TERB2: variants seen among roughly 807,000 people sequenced by gnomAD.
The protein encoded by TERB2 is telomere repeat binding bouquet formation protein 2, also known as telomere repeats-binding bouquet formation protein 2.
TERB2 carries 26 observed loss-of-function variants against 29.8 expected under a neutral mutation model. That is an observed-to-expected ratio of 0.87 (90% CI 0.64 to 1.21). TERB2 has a LOEUF of 1.21. Ranked by LOEUF, TERB2 falls within the 50% of genes most tolerant of loss-of-function variation. The probability of loss-of-function intolerance (pLI) is 0.00; values close to 1 mark genes in which losing one functional copy is unlikely to be tolerated. For missense variants in TERB2, 240 were observed against 268.6 expected (o/e 0.89, Z 0.74); for synonymous variants, 80 against 90.8 (o/e 0.88, Z 0.68).
intron 2 of TERB2, among the ~76,000 whole-genome samples, 186 bp from the exon 3 acceptor site, chr15:44,958,187 G>C (rs1267653155): frequency 6.6e-6 from 1 of 152,178 alleles, no homozygotes; most frequent in Non-Finnish European, 1.5e-5. Context: ...AGATGTGCCA[G>C]ATATAGGCCC....
chr15:44,971,832 C>CG (rs966328454), intron 5 of TERB2, among the ~76,000 whole-genome samples: 1 of 151,732 alleles, frequency 6.6e-6, no homozygotes, highest in Non-Finnish European at 1.5e-5. Context: ...CATCCCCCCC[C>CG]CTCCTTTTTT....
At chr15:44,973,846 T>C (rs759148403) in intron 5 of TERB2, 21 bp from the exon 6 acceptor site, 4 of 1,551,706 alleles carry the variant, frequency 2.6e-6, no homozygotes, top group East Asian at 2.4e-5. Context: ...TGTGTGACTT[T>C]CTGTATGCTT....
At position 44,972,977 on chromosome 15, in the gene TERB2, G is replaced by C. The variant is rs1190407829; in HGVS notation, c.435-890G>C. ...GGCTCACTGCAACCTCTGCCTCCTGGGTTCAAGCAATTCTCCTGCCTCAAC... is the reference window on the plus strand; with the variant it reads ...GGCTCACTGCAACCTCTGCCTCCTGCGTTCAAGCAATTCTCCTGCCTCAAC... On this transcript the variant is annotated intron_variant, in intron 5 of 6. Transcript: ENST00000340827. Among the ~76,000 whole-genome samples, 9 of 150,932 alleles carry C rather than the reference G, an allele frequency of 6.0e-5. No individual in the cohort carries two copies. The East Asian group carries it at 1.6e-3, about 26-fold the overall frequency.
intron 4 of TERB2, among the ~76,000 whole-genome samples, chr15:44,965,695 A>C (rs1891878981): frequency 6.7e-6 from 1 of 149,726 alleles, no homozygotes; most frequent in Non-Finnish European, 1.5e-5. Context: ...GTCCTTTTGA[A>C]GGAGAAATAT....
chr15:44,968,255 G>A (rs893247033), intron 5 of TERB2, among the ~76,000 whole-genome samples: 1 of 151,976 alleles, frequency 6.6e-6, no homozygotes, highest in Non-Finnish European at 1.5e-5. Context: ...TTAGTCTGTT[G>A]CCCAGGCTGG....
chr15:44,971,981 CTTTTTTTTTT>C (rs71111900), intron 5 of TERB2, among the ~76,000 whole-genome samples: 2 of 66,358 alleles, frequency 3.0e-5, no homozygotes, highest in East Asian at 6.1e-4. Flanking sequence ...GAAATAGAAG[CTTTTTTTTTT>C]TTTTTTTTTT....
chr15:44,970,543 C>T (rs1891951574), intron 5 of TERB2: 1 of 167,662 alleles, frequency 6.0e-6, no homozygotes, highest in African/African-American at 2.4e-5. Context: ...TGTGTATTAT[C>T]ACTTGAAGTT....
At chr15:44,975,692 A>G (rs1273005940) in intron 6 of TERB2, among the ~76,000 whole-genome samples, 1 of 152,040 alleles carries the variant, frequency 6.6e-6, no homozygotes, top group Admixed American at 6.6e-5. Flanking sequence ...CCCACTAGAT[A>G]CCAATAGCAT....
chr15:44,964,443 A>G (rs533563684), intron 4 of TERB2, among the ~76,000 whole-genome samples: 1 of 152,216 alleles, frequency 6.6e-6, no homozygotes, highest in African/African-American at 2.4e-5. Flanking sequence ...CAGTAATGCA[A>G]TGGTTATTAT....
chr15:44,958,466 G>A lies in TERB2; in HGVS notation c.240G>A (p.Ser80=), dbSNP rs747467998. 38 of 1,613,870 alleles carry A rather than the reference G, an allele frequency of 2.4e-5. No individual in the cohort carries two copies. Among genetic ancestry groups the A allele is most frequent in the Non-Finnish European group, 3.1e-5 (37 of 1,179,936 alleles). Residue 80 remains serine (S), a synonymous_variant, in exon 3 of 7, where the codon TCG becomes TCA. Coordinates refer to ENST00000340827, the MANE Select transcript of TERB2 (RefSeq NM_152448.3). ...TAGCTAATGCCAAAATAAAAAACTC[G>A]GTGGCTTTGGGTCATTTCATTCTTC... ...SAVANAKIKN[S]VALGHFILPP... is the part of the protein sequence containing the mutation.
Position 44,965,960 on chromosome 15 carries a change from T to C in TERB2, c.349-198T>C, listed in dbSNP as rs546139097. ...TTCTTTATGTGTCTCCAAAAATATA[T>C]AGTATAATTATATGTGTGTGTGGAA... On this transcript the variant is annotated intron_variant, in intron 4 of 6. Transcript: ENST00000340827. Among the ~76,000 whole-genome samples the C allele has an allele frequency of 3.3e-5, 5 of 152,204 alleles. No homozygotes were observed. The South Asian group carries it at 8.3e-4, about 25-fold the overall frequency.
chr15:44,956,710 G>C lies in TERB2; in HGVS notation c.-9G>C, dbSNP rs372649689. The C allele has an allele frequency of 1.2e-6, 2 of 1,600,458 alleles. No homozygotes were observed. The highest frequency in any genetic ancestry group is 1.7e-6 in the Non-Finnish European group (2 of 1,174,152). ...TCCTCTCTCACATCTCCACAGGCTT[G>C]GCGACGCCATGTTTCAAGGGCAGCG... is the stretch of plus-strand genomic sequence containing the variant. On this transcript the variant is annotated 5_prime_UTR_variant, in exon 1 of 7. Coordinates refer to ENST00000340827, the MANE Select transcript of TERB2 (RefSeq NM_152448.3).
chr15:44,975,224 T>C (rs1431343837), intron 6 of TERB2, among the ~76,000 whole-genome samples: 1 of 152,240 alleles, frequency 6.6e-6, no homozygotes, highest in Non-Finnish European at 1.5e-5. Flanking sequence ...TTTGTATTTC[T>C]GCATTAAATA....
At chr15:44,965,592 T>C (rs1891876763) in intron 4 of TERB2, among the ~76,000 whole-genome samples, 3 of 144,818 alleles carry the variant, frequency 2.1e-5, no homozygotes, top group South Asian at 4.2e-4. Context: ...ATATATCATA[T>C]AGATTTATAT....
chr15:44,978,389 A>G, intron 6 of TERB2, 100 bp from the exon 7 acceptor site: 2 of 1,318,814 alleles, frequency 1.5e-6, no homozygotes, highest in Non-Finnish European at 2.0e-6. Context: ...TTCTAAAAAC[A>G]TTCTTTAGAA....
intron 2 of TERB2, 116 bp from the exon 3 acceptor site, chr15:44,958,257 C>T: frequency 7.9e-7 from 1 of 1,266,512 alleles, no homozygotes; most frequent in Non-Finnish European, 1.1e-6. Context: ...GGACAGCATA[C>T]ATGTATGCTT....
chr15:44,965,601 A>G (rs1436083304), intron 4 of TERB2, among the ~76,000 whole-genome samples: 2 of 144,278 alleles, frequency 1.4e-5, no homozygotes, highest in African/African-American at 5.0e-5. Context: ...ATAGATTTAT[A>G]TATTTAATAG....
chr15:44,958,366 C>G lies in TERB2; in HGVS notation c.147-7C>G, dbSNP rs555850344. On this transcript the variant is annotated splice_polypyrimidine_tract_variant and splice_region_variant and intron_variant, in intron 2 of 6. Transcript: ENST00000340827. ...ATAACCTAAAATATTTCCTTTCTTT[C>G]TCCTAGAATATATCAGAGCCTTGAT... is the stretch of plus-strand genomic sequence containing the variant. 3.8e-6 allele frequency: 6 copies of G among 1,597,520 alleles called. No homozygotes were observed. In the East Asian group the frequency reaches 1.1e-4, roughly 30 times the overall value.
chr15:44,960,150 C>T (rs540844548), intron 3 of TERB2, among the ~76,000 whole-genome samples: 2 of 152,250 alleles, frequency 1.3e-5, no homozygotes, highest in Admixed American at 6.5e-5. Flanking sequence ...TAAATTATCA[C>T]TCCTATTCTG....
Sources: allele counts gnomAD v4.1 joint callset (sites outside exome capture counted in the v4.1 genomes callset), GRCh38; gene constraint gnomAD v4.1.1; transcripts MANE v1.5; gene names NCBI Gene and HGNC (gene_info 2026-07-23, HGNC 2026-07-21).